The following SORCS1 variants were observed in gnomAD, a reference collection of about 807,000 sequenced individuals.
SORCS1 encodes the protein sortilin related VPS10 domain containing receptor 1, also known as VPS10 domain-containing receptor SorCS1.
A neutral mutation model predicts 146.1 loss-of-function variants in SORCS1; 60 were observed. That is an observed-to-expected ratio of 0.41 (90% CI 0.33 to 0.51). The LOEUF is 0.51. SORCS1 is among the 20% of genes least tolerant of loss of function. SORCS1 has a pLI of 0.21. For synonymous variants in SORCS1, 637 were observed against 584.0 expected (o/e 1.09, Z -1.31); for missense variants, 1,352 against 1,487.6 (o/e 0.91, Z 1.50).
rs778356527 is a variant in SORCS1 at position 106,605,373 on chromosome 10, G to GAAAA, written c.3165+1789_3165+1792dup. Among the ~76,000 whole-genome samples, 4 of 152,126 alleles carry GAAAA rather than the reference G, an allele frequency of 2.6e-5. No homozygotes were observed. The East Asian group carries it at 5.8e-4, about 22-fold the overall frequency. On this transcript the variant is annotated intron_variant, in intron 23 of 25. Coordinates refer to ENST00000263054, the MANE Select transcript of SORCS1 (RefSeq NM_052918.5). ...TGATGTAGAAAATACAACACTTTTA[G>GAAAA]AAAAAAACATGGAAAGTGTGAGAAA...
intron 2 of SORCS1, among the ~76,000 whole-genome samples, chr10:106,851,650 T>A (rs539405773): frequency 1.4e-4 from 21 of 152,354 alleles, no homozygotes; most frequent in African/African-American, 5.0e-4. Flanking sequence ...GCTCCAATTT[T>A]GTTTCCTTCC....
Position 106,893,888 on chromosome 10 carries a change from G to A in SORCS1, c.626+62625C>T, listed in dbSNP as rs557997196. ...CATCAGTTCTGATATTAAAACATGA[G>A]TTTGCAAGTAAACAGGAAGTTTATC... On this transcript the variant is annotated intron_variant, in intron 2 of 25. Coordinates refer to ENST00000263054, the MANE Select transcript of SORCS1 (RefSeq NM_052918.5). Among the ~76,000 whole-genome samples, 5 of 152,252 alleles carry A rather than the reference G, an allele frequency of 3.3e-5. No homozygotes were observed. The South Asian group carries it at 1.0e-3, about 32-fold the overall frequency.
At chr10:107,118,560 C>T (rs934856568) in intron 1 of SORCS1, among the ~76,000 whole-genome samples, 2 of 152,154 alleles carry the variant, frequency 1.3e-5, no homozygotes, top group African/African-American at 2.4e-5. Flanking sequence ...AACTCTATCT[C>T]ACTCCATAAA....
intron 2 of SORCS1, among the ~76,000 whole-genome samples, chr10:106,949,366 C>G (rs554592454): frequency 6.6e-6 from 1 of 152,172 alleles, no homozygotes; most frequent in Non-Finnish European, 1.5e-5. Context: ...TGCTCTTCCC[C>G]TGGACGTGGC....
At chr10:106,725,704 G>C (rs1249375891) in intron 6 of SORCS1, among the ~76,000 whole-genome samples, 1 of 151,942 alleles carries the variant, frequency 6.6e-6, no homozygotes, top group Admixed American at 6.6e-5. Flanking sequence ...GCAGAGGCAG[G>C]CGGATCACTT....
intron 1 of SORCS1, among the ~76,000 whole-genome samples, chr10:106,989,350 G>A (rs1003960432): frequency 6.7e-6 from 1 of 150,230 alleles, no homozygotes; most frequent in Non-Finnish European, 1.5e-5. Context: ...TATCTCCCTT[G>A]GTAGTACCTT....
chr10:107,019,608 C>A lies in SORCS1; in HGVS notation c.559-63028G>T, dbSNP rs1215073988. 2.6e-5 allele frequency among the ~76,000 whole-genome samples: 4 copies of A among 152,230 alleles called. No homozygotes were observed. In the South Asian group the frequency reaches 6.2e-4, roughly 24 times the overall value. On this transcript the variant is annotated intron_variant, in intron 1 of 25. Transcript: ENST00000263054. ...TGATGCATAGTTCAGTCTCTGCAGG[C>A]TCCTTCTAGCAGGCAACCCATTTAA... is the stretch of plus-strand genomic sequence containing the variant.
intron 3 of SORCS1, among the ~76,000 whole-genome samples, chr10:106,808,326 T>C (rs568808388): frequency 6.6e-6 from 1 of 152,192 alleles, no homozygotes; most frequent in Admixed American, 6.5e-5. Flanking sequence ...CCCGGTGCTG[T>C]TTTTAAATAT....
At chr10:107,180,886 C>T in the SORCS1 span, among the ~76,000 whole-genome samples, 1 of 152,188 alleles carries the variant, frequency 6.6e-6, no homozygotes, top group Admixed American at 6.5e-5. Context: ...GGCTATGTGG[C>T]ATAGCCTATT....
chr10:106,926,784 C>G, intron 2 of SORCS1, among the ~76,000 whole-genome samples: 1 of 151,002 alleles, frequency 6.6e-6, no homozygotes, highest in South Asian at 2.1e-4. Context: ...TCAAGGGTCT[C>G]AAACCATAGC....
chr10:106,895,951 G>GTATATATATA (rs57578016), intron 2 of SORCS1, among the ~76,000 whole-genome samples: 10 of 150,966 alleles, frequency 6.6e-5, no homozygotes, highest in African/African-American at 2.2e-4. Flanking sequence ...GTGTGTGTGT[G>GTATATATATA]TATATATATA....
intron 6 of SORCS1, among the ~76,000 whole-genome samples, chr10:106,709,777 C>T (rs950288497): frequency 1.3e-5 from 2 of 152,130 alleles, no homozygotes; most frequent in Admixed American, 1.3e-4. Context: ...ACAAGCCTCA[C>T]AGTCTTTGTT....
chr10:106,878,620 G>GTGTATATATATATATATA lies in SORCS1; in HGVS notation c.627-48948_627-48947insTATATATATATATATACA, dbSNP rs904386657. ...AAATTTGTTTTTTATAAACTACCTA[G>GTGTATATATATATATATA]TATATATATATATATATATATATAT... On this transcript the variant is annotated intron_variant, in intron 2 of 25. Transcript: ENST00000263054. 1.3e-3 allele frequency among the ~76,000 whole-genome samples: 109 copies of GTGTATATATATATATATA among 84,914 alleles called. 6 individuals carry two copies. Among genetic ancestry groups the GTGTATATATATATATATA allele is most frequent in the African/African-American group, 4.3e-3 (93 of 21,780 alleles). 55.7% of individuals were successfully genotyped at this position (84,914 alleles called of 152,430 possible). A position where few individuals can be genotyped will look rare whatever the true frequency, so the allele number is the denominator to read the frequency against.
chr10:106,977,012 G>A (rs1956054678), intron 1 of SORCS1, among the ~76,000 whole-genome samples: 1 of 152,142 alleles, frequency 6.6e-6, no homozygotes, highest in African/African-American at 2.4e-5. Context: ...ATGTGCATGT[G>A]TCTTTATAGT....
intron 2 of SORCS1, among the ~76,000 whole-genome samples, chr10:106,833,505 T>C (rs1948653287): frequency 6.6e-6 from 1 of 152,154 alleles, no homozygotes; most frequent in South Asian, 2.1e-4. Flanking sequence ...TTCAAACCAG[T>C]TGATAAATAG....
intron 2 of SORCS1, among the ~76,000 whole-genome samples, chr10:106,915,554 C>A (rs1390630006): frequency 6.6e-6 from 1 of 152,186 alleles, no homozygotes; most frequent in East Asian, 1.9e-4. Context: ...CCCACTCTCC[C>A]AGGCCCACTC....
At chr10:106,653,862 T>C (rs933492875) in intron 17 of SORCS1, among the ~76,000 whole-genome samples, 2 of 152,186 alleles carry the variant, frequency 1.3e-5, no homozygotes, top group African/African-American at 4.8e-5. Flanking sequence ...TTAATATTAT[T>C]ACTATTTTTC....
intron 18 of SORCS1, among the ~76,000 whole-genome samples, chr10:106,634,763 G>A (rs1848634915): frequency 6.6e-6 from 1 of 152,198 alleles, no homozygotes; most frequent in Non-Finnish European, 1.5e-5. Context: ...AAGCCGTAAA[G>A]AAGATAGAGA....
intron 3 of SORCS1, among the ~76,000 whole-genome samples, chr10:106,794,660 G>A (rs1399597367): frequency 9.9e-5 from 15 of 151,794 alleles, no homozygotes; most frequent in African/African-American, 3.6e-4. Flanking sequence ...CCGCCACCAC[G>A]CCCGGCTAAT....
Sources: allele counts gnomAD v4.1 joint callset (sites outside exome capture counted in the v4.1 genomes callset), GRCh38; gene constraint gnomAD v4.1.1; transcripts MANE v1.5; gene names NCBI Gene and HGNC (gene_info 2026-07-23, HGNC 2026-07-21).